Variants in CETP observed in about 807,000 individuals in gnomAD.
CETP encodes the protein BPI fold containing family F.
In CETP, 56 loss-of-function variants were observed where a neutral mutation model predicts 66.5. That is an observed-to-expected ratio of 0.84 (90% confidence interval 0.68 to 1.05). The LOEUF (loss-of-function observed/expected upper bound fraction) is 1.05, where lower values mean the gene tolerates loss of function less well. Among genes scored for constraint, CETP ranks in the 50% least tolerant of loss-of-function variants. CETP has a pLI of 0.00. For synonymous variants in CETP, 251 were observed against 245.7 expected (o/e 1.02, Z -0.20); for missense variants, 612 against 609.6 (o/e 1.00, Z -0.04).
rs778964993 is a variant in CETP at position 56,969,507 on chromosome 16, A to G, written c.355A>G (p.Thr119Ala). Residue 119 changes from threonine (T) to alanine (A), a missense_variant, in exon 3 of 16, where the codon ACC (threonine) becomes GCC (alanine). Thr to Ala is a moderately conservative substitution (Grantham distance 58). Transcript: ENST00000200676. ...CAAGGGGACCCTGAAGTATGGCTAC[A>G]CCACTGCCTGGTGGTAAGCATTCCT... ...VFKGTLKYGY[T>A]TAWWLGIDQS... The G allele has an allele frequency of 1.2e-6, 2 of 1,614,152 alleles. No homozygotes were observed. The highest frequency in any genetic ancestry group is 1.7e-6 in the Non-Finnish European group (2 of 1,180,014).
In CETP at chr16:56,971,458, T is replaced by G. The variant is rs1322801409; in HGVS notation, c.658+77T>G. The stretch of plus-strand genomic sequence containing the variant: ...AGCCACCTGCTGCACTATGTGGCCT[T>G]GGGACTGTCACTCTTCCTGTCTAGG... On this transcript the variant is annotated intron_variant, in intron 7 of 15. Transcript: ENST00000200676. 9.4e-6 allele frequency: 12 copies of G among 1,273,596 alleles called. No individual in the cohort carries two copies. The African/African-American group carries it at 1.5e-4, about 15-fold the overall frequency. 78.9% of individuals were successfully genotyped at this position (1,273,596 alleles called of 1,614,324 possible). A position where few individuals can be genotyped will look rare whatever the true frequency, so the allele number is the denominator to read the frequency against.
At chr16:56,971,196 C>A (rs1403375180) in intron 6 of CETP, 94 bp downstream of exon 6, 40 of 1,488,046 alleles carry the variant, frequency 2.7e-5, no homozygotes, top group Non-Finnish European at 3.6e-5. Context: ...GGTGCCACTC[C>A]CACCTTCTCC....
chr16:56,967,573 T>G (rs572695749), intron 2 of CETP, among the ~76,000 whole-genome samples: 1 of 147,942 alleles, frequency 6.8e-6, no homozygotes, highest in East Asian at 2.0e-4. Flanking sequence ...GAGAATCACT[T>G]GAACCCAGGA....
In CETP at chr16:56,972,025, ACAT is replaced by A; in HGVS notation, c.693_695del (p.Ile232del). 1 of 1,614,162 alleles carries A rather than the reference ACAT, an allele frequency of 6.2e-7. No individual in the cohort carries two copies. ...CTTTCAGATGGAGACATTGGGGTGG[ACAT>A]TTCCCTGACAGGTGATCCCGTCATC... On this transcript the variant is annotated inframe_deletion, in exon 8 of 16. Coordinates refer to ENST00000200676, the MANE Select transcript of CETP (RefSeq NM_000078.3).
chr16:56,973,921 C>T (rs569995937), intron 9 of CETP, among the ~76,000 whole-genome samples: 15 of 152,306 alleles, frequency 9.8e-5, no homozygotes, highest in South Asian at 2.1e-4. Context: ...CTGGGGGCTG[C>T]ATGCACCGGT....
chr16:56,983,770 A>G lies in CETP; in HGVS notation c.*104A>G. The G allele has an allele frequency of 9.1e-7, 1 of 1,103,406 alleles. No homozygotes were observed. Among genetic ancestry groups the G allele is most frequent in the East Asian group, 2.4e-5 (1 of 42,500 alleles). The allele number at this position is 1,103,406 out of a possible 1,614,324, so 68.4% of individuals were successfully genotyped here. ...CCAGCGTGGTGGAAGTTGGGTTAGG[A>G]GTACGGAGATGGAGATTGGCTCCCA... On this transcript the variant is annotated 3_prime_UTR_variant, in exon 16 of 16. Coordinates refer to ENST00000200676, the MANE Select transcript of CETP (RefSeq NM_000078.3).
chr16:56,972,464 C>T (rs1315338807), intron 8 of CETP, among the ~76,000 whole-genome samples: 10 of 152,326 alleles, frequency 6.6e-5, no homozygotes, highest in Middle Eastern at 3.4e-3. Flanking sequence ...CAAAGAAATC[C>T]GAAATAATAG....
intron 8 of CETP, 71 bp from the exon 9 acceptor site, chr16:56,973,260 A>T (rs2056125779): frequency 1.3e-6 from 2 of 1,521,680 alleles, no homozygotes; most frequent in African/African-American, 1.4e-5. Context: ...GGCTCCTCCC[A>T]ATCTCCCTGA....
At chr16:56,979,619 G>C (rs567612514) in intron 11 of CETP, among the ~76,000 whole-genome samples, 1 of 151,204 alleles carries the variant, frequency 6.6e-6, no homozygotes, top group Admixed American at 6.6e-5. Context: ...CAAGCGATTC[G>C]CGTGCCTCAG....
chr16:56,969,885 C>G, intron 4 of CETP, 29 bp from the exon 5 acceptor site: 1 of 1,610,108 alleles, frequency 6.2e-7, no homozygotes, highest in Non-Finnish European at 8.5e-7. Flanking sequence ...GCGGAGGCTG[C>G]CCTGAGGTCA....
At chr16:56,978,752 C>G (rs2056168151) in intron 11 of CETP, among the ~76,000 whole-genome samples, 1 of 152,146 alleles carries the variant, frequency 6.6e-6, no homozygotes, top group African/African-American at 2.4e-5. Context: ...TCCTAAGTTG[C>G]TGGGGTTATA....
intron 1 of CETP, chr16:56,962,384 G>A: frequency 1.5e-6 from 1 of 656,464 alleles, no homozygotes; most frequent in Non-Finnish European, 2.9e-6. Context: ...TCGAGTTAGG[G>A]TTCAGATCTG....
Position 56,969,535 on chromosome 16 carries a change from C to T in CETP, c.368+15C>T. ...ACTGCCTGGTGGTAAGCATTCCTGT[C>T]AGCTGATGCCCCATGCCCTGGCCCT... is the stretch of plus-strand genomic sequence containing the variant. On this transcript the variant is annotated intron_variant, in intron 3 of 15. Transcript: ENST00000200676. 6.2e-7 allele frequency: 1 copy of T among 1,614,246 alleles called. No homozygotes were observed. The highest frequency in any genetic ancestry group is 8.5e-7 in the Non-Finnish European group (1 of 1,180,044).
At chr16:56,966,365 G>A (rs1446414769) in intron 2 of CETP, among the ~76,000 whole-genome samples, 1 of 152,098 alleles carries the variant, frequency 6.6e-6, no homozygotes, top group Non-Finnish European at 1.5e-5. Flanking sequence ...AGCTGTGATT[G>A]TCCCAAGTCC....
chr16:56,965,272 A>T (rs1200140060), intron 2 of CETP, among the ~76,000 whole-genome samples: 1 of 152,180 alleles, frequency 6.6e-6, no homozygotes, highest in Admixed American at 6.5e-5. Flanking sequence ...CCAAACGTAT[A>T]TGAGTGGGGT....
rs570888753 is a variant in CETP, at chr16:56,965,146, C to T, written c.233+2022C>T. ...GACCTATGTGTTGCAAGAGGTCAGACATGGCAAAAGCGTTGAGAAGTTAAA... is the reference window on the plus strand; with the variant it reads ...GACCTATGTGTTGCAAGAGGTCAGATATGGCAAAAGCGTTGAGAAGTTAAA... On this transcript the variant is annotated intron_variant, in intron 2 of 15. Transcript: ENST00000200676. Among the ~76,000 whole-genome samples, 180 of 152,268 alleles carry T rather than the reference C, an allele frequency of 1.2e-3. 1 individual carries two copies. Among genetic ancestry groups the T allele is most frequent in the African/African-American group, 4.3e-3 (178 of 41,546 alleles).
Position 56,983,381 on chromosome 16 carries a change from C to T in CETP, c.1377C>T (p.Asp459=), listed in dbSNP as rs144375086. ...LMNSKGVSLF[D]IINPEIITRD... is the part of the protein sequence containing the mutation. ...ACAGCAAAGGCGTGAGCCTCTTCGA[C>T]ATCATCAACCCTGAGATTATCACTC... The change falls in exon 15 of 16, where the codon GAC becomes GAT. Residue 459 remains aspartate, a synonymous_variant. Transcript: ENST00000200676. 845 of 1,614,102 alleles carry T rather than the reference C, an allele frequency of 5.2e-4. No homozygotes were observed. The highest frequency in any genetic ancestry group is 6.7e-4 in the Non-Finnish European group (790 of 1,180,034).
chr16:56,978,276 G>A (rs1358856562), intron 11 of CETP, 21 bp downstream of exon 11: 1 of 1,613,940 alleles, frequency 6.2e-7, no homozygotes, highest in Non-Finnish European at 8.5e-7. Context: ...TGCAGGGAGA[G>A]GTGGTGGTGG....
chr16:56,966,250 A>AGGCTTCCCCCATTCCTT (rs1168931972), intron 2 of CETP, among the ~76,000 whole-genome samples: 1 of 152,112 alleles, frequency 6.6e-6, no homozygotes, highest in Non-Finnish European at 1.5e-5. Flanking sequence ...CAGCTTCTAG[A>AGGCTTCCCCCATTCCTT]GGCTTCCCCC....
Sources: allele counts gnomAD v4.1 joint callset (sites outside exome capture counted in the v4.1 genomes callset), GRCh38; gene constraint gnomAD v4.1.1; transcripts MANE v1.5; gene names NCBI Gene and HGNC (gene_info 2026-07-23, HGNC 2026-07-21).